RFC3: variants seen among roughly 807,000 people sequenced by gnomAD.
RFC3 encodes replication factor C subunit 3, also known as A1 38 kDa subunit.
Under a neutral mutation model 45.1 loss-of-function variants are expected in RFC3, and 41 were observed. That is an observed-to-expected ratio of 0.91 (90% CI 0.71 to 1.18). The LOEUF is 1.18. Among genes scored for constraint, RFC3 ranks in the 50% most tolerant of loss-of-function variants. RFC3 has a pLI of 0.00. For missense variants in RFC3, 423 were observed against 428.1 expected (o/e 0.99, Z 0.10); for synonymous variants, 149 against 144.0 (o/e 1.03, Z -0.25).
At chr13:33,883,312 G>A (rs756898322) in intron 8 of RFC3, among the ~76,000 whole-genome samples, 1 of 152,190 alleles carries the variant, frequency 6.6e-6, no homozygotes, top group Non-Finnish European at 1.5e-5. Flanking sequence ...TTGAAAATGA[G>A]TGTTTAAAAT....
At chr13:33,950,779 T>A (rs2082984723) in intron 8 of RFC3, among the ~76,000 whole-genome samples, 1 of 152,162 alleles carries the variant, frequency 6.6e-6, no homozygotes, top group Non-Finnish European at 1.5e-5. Context: ...TCTCTCTCTC[T>A]CTCTTTGAAC....
At chr13:33,876,132 G>C (rs1301314204) in intron 8 of RFC3, among the ~76,000 whole-genome samples, 1 of 151,922 alleles carries the variant, frequency 6.6e-6, no homozygotes, top group Non-Finnish European at 1.5e-5. Context: ...TATTATTTCA[G>C]TTCCCACTCC....
rs7983101 is a variant in RFC3 at position 33,827,626 on chromosome 13, A to G, written c.391+1740A>G. Among the ~76,000 whole-genome samples, 918 of 152,298 alleles carry G rather than the reference A, an allele frequency of 6.0e-3. 5 individuals carry two copies. Among genetic ancestry groups the G allele is most frequent in the African/African-American group, 0.021 (885 of 41,572 alleles). ...AAATGTGAACAATATTTTACCACCC[A>G]ATTACAGTTGAATTAACCTATTCTT... On this transcript the variant is annotated intron_variant, in intron 4 of 8. Coordinates refer to ENST00000380071, the MANE Select transcript of RFC3 (RefSeq NM_002915.4).
rs1016018005 is a variant in RFC3 at position 33,882,367 on chromosome 13, A to C, written c.879+47150A>C. Reference sequence around the variant, plus strand: ...ACCATAGTCAGGACGCATAACTGCTATGGACTGAATGTTTGTGTCCTCCCA... The same window carrying C: ...ACCATAGTCAGGACGCATAACTGCTCTGGACTGAATGTTTGTGTCCTCCCA... On this transcript the variant is annotated intron_variant, in intron 8 of 8. Transcript: ENST00000434425. Among the ~76,000 whole-genome samples the C allele has an allele frequency of 3.9e-5, 6 of 152,350 alleles. No individual in the cohort carries two copies. In the East Asian group the frequency reaches 1.2e-3, roughly 29 times the overall value.
In RFC3 at chr13:33,922,073, G is replaced by C. The variant is rs181461851; in HGVS notation, c.880-44014G>C. Among the ~76,000 whole-genome samples the C allele has an allele frequency of 2.9e-3, 433 of 151,544 alleles. 1 individual carries two copies. Among genetic ancestry groups the C allele is most frequent in the African/African-American group, 1.0e-2 (412 of 41,358 alleles). On this transcript the variant is annotated intron_variant, in intron 8 of 8. Transcript: ENST00000434425. ...GGAGTGAAAATGACACTTATTACCT[G>C]TTTAAAGTGGTGCCTGGCATCATCC... is the stretch of plus-strand genomic sequence containing the variant.
chr13:33,900,931 G>A (rs541065658), intron 8 of RFC3, among the ~76,000 whole-genome samples: 6 of 151,462 alleles, frequency 4.0e-5, no homozygotes, highest in Non-Finnish European at 8.9e-5. Flanking sequence ...TGGTCAACAG[G>A]TATATGAAAA....
At chr13:33,955,155 C>T (rs1038816232) in intron 8 of RFC3, among the ~76,000 whole-genome samples, 8 of 151,900 alleles carry the variant, frequency 5.3e-5, no homozygotes, top group East Asian at 1.9e-4. Context: ...GCTACCAAGA[C>T]GGAAAAATTA....
intron 8 of RFC3, chr13:33,847,502 T>C (rs1000667847): frequency 2.6e-5 from 4 of 152,116 alleles, no homozygotes; most frequent in African/African-American, 9.7e-5. Context: ...AAGCTTATAG[T>C]TGTTATCTAC....
chr13:33,824,944 T>C (rs892061598), intron 3 of RFC3, among the ~76,000 whole-genome samples: 4 of 152,108 alleles, frequency 2.6e-5, no homozygotes, highest in African/African-American at 9.7e-5. Context: ...GCTAGGAAAA[T>C]GATCGTAAGA....
chr13:33,967,231 G>A (rs1358840880), downstream of RFC3, among the ~76,000 whole-genome samples: 11 of 152,024 alleles, frequency 7.2e-5, no homozygotes. Flanking sequence ...TTATTAGCAT[G>A]AGGATAAAGA....
At chr13:33,930,740 T>C (rs966120853) in intron 8 of RFC3, among the ~76,000 whole-genome samples, 2 of 152,184 alleles carry the variant, frequency 1.3e-5, no homozygotes, top group African/African-American at 4.8e-5. Flanking sequence ...CTGTTGATGA[T>C]CTGGAAGTTT....
chr13:33,893,961 GAAAA>G (rs535635526), intron 8 of RFC3, among the ~76,000 whole-genome samples: 50 of 152,088 alleles, frequency 3.3e-4, no homozygotes, highest in African/African-American at 1.1e-3. Context: ...TTATTGAAAG[GAAAA>G]AAACAAACAA....
chr13:33,856,399 C>T (rs140060126), intron 8 of RFC3, among the ~76,000 whole-genome samples: 1 of 152,038 alleles, frequency 6.6e-6, no homozygotes, highest in Non-Finnish European at 1.5e-5. Flanking sequence ...GGCTTAATAC[C>T]TGGATGATGA....
intron 8 of RFC3, among the ~76,000 whole-genome samples, chr13:33,951,759 TC>T (rs2082992959): frequency 6.6e-6 from 1 of 152,192 alleles, no homozygotes; most frequent in Non-Finnish European, 1.5e-5. Context: ...AGTTGACAAG[TC>T]AAAGATAATA....
chr13:33,959,434 C>T (rs1356667493), intron 8 of RFC3, among the ~76,000 whole-genome samples: 1 of 152,146 alleles, frequency 6.6e-6, no homozygotes. Context: ...ACAGCAAAGA[C>T]TTCATAGCTC....
intron 8 of RFC3, among the ~76,000 whole-genome samples, chr13:33,959,135 G>C (rs950930906): frequency 2.0e-5 from 3 of 152,114 alleles, no homozygotes; most frequent in Non-Finnish European, 4.4e-5. Context: ...TAACACTCCT[G>C]ATCTGCTTCA....
At chr13:33,837,621 T>C (rs957378591), downstream of RFC3, 1 of 152,112 alleles carries the variant, frequency 6.6e-6, no homozygotes, top group African/African-American at 2.4e-5. Flanking sequence ...TTTCCTAAAG[T>C]TATATTACTT....
At chr13:33,937,792 A>G (rs1447319031) in intron 8 of RFC3, among the ~76,000 whole-genome samples, 1 of 152,182 alleles carries the variant, frequency 6.6e-6, no homozygotes, top group Non-Finnish European at 1.5e-5. Context: ...GCCTGAGAGC[A>G]ATGAAATTTC....
intron 8 of RFC3, among the ~76,000 whole-genome samples, chr13:33,950,985 G>T (rs2137831034): frequency 6.6e-6 from 1 of 150,398 alleles, no homozygotes; most frequent in South Asian, 2.1e-4. Flanking sequence ...TTCTACCTGT[G>T]GCTGCCAAAG....
Sources: allele counts gnomAD v4.1 joint callset (sites outside exome capture counted in the v4.1 genomes callset), GRCh38; gene constraint gnomAD v4.1.1; transcripts MANE v1.5; gene names NCBI Gene and HGNC (gene_info 2026-07-23, HGNC 2026-07-21).